Variants in BCAR3 observed in about 807,000 individuals in gnomAD.
BCAR3 encodes breast cancer anti-estrogen resistance protein 3.
A neutral mutation model predicts 80.1 loss-of-function variants in BCAR3; 37 were observed. The ratio of observed to expected loss-of-function variants is 0.46; its 90% CI spans 0.36 to 0.61. BCAR3 has a LOEUF of 0.61. Ranked by LOEUF, BCAR3 falls within the 20% of genes least tolerant of loss-of-function variation. The pLI is 0.00. For missense variants in BCAR3, 978 were observed against 1,068.2 expected (o/e 0.92, Z 1.18); for synonymous variants, 389 against 418.9 (o/e 0.93, Z 0.87).
intron 2 of BCAR3, among the ~76,000 whole-genome samples, chr1:93,773,051 A>G (rs1652416599): frequency 6.6e-6 from 1 of 152,198 alleles, no homozygotes; most frequent in Non-Finnish European, 1.5e-5. Context: ...TAGGAAATTG[A>G]TCTGTTTACA....
Position 93,757,557 on chromosome 1 carries a change from C to A in BCAR3, c.-62-51415G>T, listed in dbSNP as rs560721025. Among the ~76,000 whole-genome samples the A allele has an allele frequency of 4.6e-5, 7 of 152,346 alleles. No individual in the cohort carries two copies. In the East Asian group the frequency reaches 1.2e-3, roughly 25 times the overall value. ...GTTGACCCTTCAGCGAGCATCACGA[C>A]TCCTCTGCACTTCATTTTTTCTCCT... On this transcript the variant is annotated intron_variant, in intron 2 of 13. Coordinates refer to the BCAR3 transcript ENST00000370244.
chr1:93,820,871 A>T (rs1304887117), intron 2 of BCAR3, among the ~76,000 whole-genome samples: 1 of 90,096 alleles, frequency 1.1e-5, no homozygotes, highest in Non-Finnish European at 2.4e-5. Flanking sequence ...TAGCTCCCCC[A>T]CCCCCACCCA....
intron 3 of BCAR3, among the ~76,000 whole-genome samples, chr1:93,611,146 A>G (rs942274664): frequency 1.9e-4 from 29 of 152,184 alleles, no homozygotes; most frequent in Non-Finnish European, 3.7e-4. Flanking sequence ...TGAGACTCCA[A>G]TGAGACAAGA....
rs764201810 is a variant in BCAR3, at chr1:93,630,286, T to A, written c.357+12018A>T. Among the ~76,000 whole-genome samples, 67 of 152,180 alleles carry A rather than the reference T, an allele frequency of 4.4e-4. 1 individual carries two copies. The highest frequency in any genetic ancestry group is 1.4e-3 in the Admixed American group (22 of 15,284). On this transcript the variant is annotated intron_variant, in intron 3 of 11. Transcript: ENST00000260502. ...ACTCACTAAACAAAAGAAGGGTCTTTGTCCTCAGGACTCACATGCTAGTGA... is the reference window on the plus strand; with the variant it reads ...ACTCACTAAACAAAAGAAGGGTCTTAGTCCTCAGGACTCACATGCTAGTGA...
At chr1:93,785,648 C>T (rs1479032269) in intron 2 of BCAR3, among the ~76,000 whole-genome samples, 2 of 152,192 alleles carry the variant, frequency 1.3e-5, no homozygotes, top group Non-Finnish European at 2.9e-5. Flanking sequence ...GAATATGCAT[C>T]ATTAATGCTT....
intron 3 of BCAR3, among the ~76,000 whole-genome samples, chr1:93,688,643 T>C (rs1182615534): frequency 6.6e-6 from 1 of 152,188 alleles, no homozygotes. Flanking sequence ...TTGGCCAGGC[T>C]GGAGTGCGGT....
Position 93,674,625 on chromosome 1 carries a change from G to A in BCAR3, c.306C>T (p.Thr102=). The A allele has an allele frequency of 6.2e-7, 1 of 1,612,960 alleles. No individual in the cohort carries two copies. The highest frequency in any genetic ancestry group is 8.5e-7 in the Non-Finnish European group (1 of 1,179,796). The stretch of plus-strand genomic sequence containing the variant: ...ATTACAGAAGTTACCTGAAGGTGAA[G>A]GTTTCGCCGTGCCGGTCCTGCCATG... ...ESPWQDRHGE[T]FTFRDPHLLD... The change falls in exon 2 of 12, where the codon ACC becomes ACT. Residue 102 remains threonine, a synonymous_variant. Transcript: ENST00000260502.
At chr1:93,773,670 C>T (rs1652437850) in intron 2 of BCAR3, among the ~76,000 whole-genome samples, 5 of 152,214 alleles carry the variant, frequency 3.3e-5, no homozygotes. Context: ...CCACATGGTG[C>T]TGGGAATCAG....
intron 2 of BCAR3, among the ~76,000 whole-genome samples, chr1:93,827,368 G>A (rs1392138478): frequency 1.3e-5 from 2 of 152,090 alleles, no homozygotes; most frequent in Non-Finnish European, 2.9e-5. Flanking sequence ...TCCAAAGCAG[G>A]CCTATCTGGA....
At chr1:93,596,841 T>C (rs540952593) in intron 3 of BCAR3, among the ~76,000 whole-genome samples, 42 of 152,274 alleles carry the variant, frequency 2.8e-4, no homozygotes, top group African/African-American at 1.0e-3. Flanking sequence ...ACAAAGTTGG[T>C]TTTCGCTGCC....
intron 3 of BCAR3, among the ~76,000 whole-genome samples, chr1:93,618,052 G>A (rs1675193463): frequency 6.6e-6 from 1 of 152,250 alleles, no homozygotes; most frequent in Admixed American, 6.5e-5. Flanking sequence ...GAGGACAGGA[G>A]GAAAGGACTT....
intron 4 of BCAR3, among the ~76,000 whole-genome samples, chr1:93,590,843 C>T (rs763754148): frequency 2.6e-5 from 4 of 152,000 alleles, no homozygotes; most frequent in Admixed American, 6.5e-5. Flanking sequence ...GCATGCATAC[C>T]GTGGACAGAC....
At chr1:93,786,323 T>G (rs530232484) in intron 2 of BCAR3, among the ~76,000 whole-genome samples, 2 of 151,934 alleles carry the variant, frequency 1.3e-5, no homozygotes, top group Admixed American at 1.3e-4. Context: ...GAGGACCATG[T>G]TGACAGGAAC....
chr1:93,745,824 G>A (rs1033137419), intron 2 of BCAR3, among the ~76,000 whole-genome samples: 2 of 152,220 alleles, frequency 1.3e-5, no homozygotes, highest in Non-Finnish European at 2.9e-5. Flanking sequence ...AGGATCACTT[G>A]AGACCAGGAG....
intron 2 of BCAR3, among the ~76,000 whole-genome samples, chr1:93,725,997 A>G (rs926952176): frequency 2.9e-4 from 44 of 152,166 alleles, no homozygotes; most frequent in Middle Eastern, 3.4e-3. Flanking sequence ...ACTTTATAAT[A>G]AGTCAATAAT....
chr1:93,699,873 C>T (rs981554177), intron 3 of BCAR3, among the ~76,000 whole-genome samples: 1 of 152,152 alleles, frequency 6.6e-6, no homozygotes, highest in Non-Finnish European at 1.5e-5. Context: ...GAAACAGACC[C>T]AGAGAGGTTG....
chr1:93,636,850 A>C (rs182913), intron 3 of BCAR3, among the ~76,000 whole-genome samples: 6,968 of 152,214 alleles, frequency 0.046, 250 homozygotes, highest in East Asian at 0.12. Flanking sequence ...TGATCCCAGC[A>C]CTTCGGGAGG....
chr1:93,811,403 T>C (rs1041292506), intron 2 of BCAR3, among the ~76,000 whole-genome samples: 4 of 152,294 alleles, frequency 2.6e-5, no homozygotes, highest in South Asian at 2.1e-4. Flanking sequence ...ATACTATTAG[T>C]ATTGTCCTTG....
intron 2 of BCAR3, among the ~76,000 whole-genome samples, chr1:93,751,906 C>T (rs903329946): frequency 2.0e-5 from 3 of 152,220 alleles, no homozygotes; most frequent in South Asian, 4.1e-4. Flanking sequence ...TCTGTGGATG[C>T]CCTGGGTTAC....
Sources: allele counts gnomAD v4.1 joint callset (sites outside exome capture counted in the v4.1 genomes callset), GRCh38; gene constraint gnomAD v4.1.1; transcripts MANE v1.5; gene names NCBI Gene and HGNC (gene_info 2026-07-23, HGNC 2026-07-21).